Variants in CSMD3 observed in about 807,000 individuals in gnomAD.
CSMD3 encodes the protein CUB and Sushi multiple domains 3.
Under a neutral mutation model 435.2 loss-of-function variants are expected in CSMD3, and 177 were observed. That is an observed-to-expected ratio of 0.41 (90% CI 0.36 to 0.46). The LOEUF is 0.46. Ranked by LOEUF, CSMD3 falls within the 20% of genes least tolerant of loss-of-function variation. The probability of loss-of-function intolerance (pLI) is 0.34; values close to 1 mark genes in which losing one functional copy is unlikely to be tolerated. For missense variants in CSMD3, 4,265 were observed against 4,504.6 expected (o/e 0.95, Z 1.52); for synonymous variants, 1,656 against 1,520.5 (o/e 1.09, Z -2.07).
At chr8:112,708,027 A>C (rs2076535687) in intron 13 of CSMD3, among the ~76,000 whole-genome samples, 1 of 152,090 alleles carries the variant, frequency 6.6e-6, no homozygotes, top group Non-Finnish European at 1.5e-5. Context: ...CATGATATAC[A>C]ATTAATTTAA....
chr8:112,572,923 C>A (rs1373924087), intron 24 of CSMD3, among the ~76,000 whole-genome samples: 1 of 147,832 alleles, frequency 6.8e-6, no homozygotes, highest in African/African-American at 2.5e-5. Context: ...GAAACCCACC[C>A]TACCCCTGGT....
intron 45 of CSMD3, among the ~76,000 whole-genome samples, chr8:112,322,758 T>C (rs529281862): frequency 6.6e-6 from 1 of 152,190 alleles, no homozygotes; most frequent in South Asian, 2.1e-4. Context: ...GTGGCACATG[T>C]AAACACGACT....
chr8:113,245,431 T>G (rs2093266346), intron 3 of CSMD3, among the ~76,000 whole-genome samples: 1 of 152,044 alleles, frequency 6.6e-6, no homozygotes, highest in Admixed American at 6.6e-5. Flanking sequence ...GTTATTCTCT[T>G]AGAGCTTATC....
chr8:113,000,855 A>G (rs2085836094), intron 6 of CSMD3, among the ~76,000 whole-genome samples: 1 of 152,028 alleles, frequency 6.6e-6, no homozygotes, highest in Non-Finnish European at 1.5e-5. Flanking sequence ...TTTCCTTCTT[A>G]ACACACCTAC....
intron 5 of CSMD3, among the ~76,000 whole-genome samples, chr8:113,064,440 AAAAT>A (rs1290774329): frequency 5.9e-5 from 9 of 152,148 alleles, no homozygotes; most frequent in Non-Finnish European, 8.8e-5. Context: ...GGCAATAAGA[AAAAT>A]AAATAAATTA....
At chr8:113,371,290 T>C (rs1387693922) in intron 1 of CSMD3, among the ~76,000 whole-genome samples, 1 of 152,106 alleles carries the variant, frequency 6.6e-6, no homozygotes, top group East Asian at 1.9e-4. Context: ...AGGTAGCTAC[T>C]TAATAAACTT....
At chr8:113,226,897 T>C (rs189546909) in intron 3 of CSMD3, among the ~76,000 whole-genome samples, 28 of 151,728 alleles carry the variant, frequency 1.8e-4, no homozygotes, top group African/African-American at 5.8e-4. Flanking sequence ...TTGAAACAAT[T>C]TGACAATTGT....
intron 1 of CSMD3, among the ~76,000 whole-genome samples, chr8:113,366,059 C>A (rs1312392280): frequency 6.6e-6 from 1 of 151,996 alleles, no homozygotes; most frequent in Admixed American, 6.6e-5. Context: ...ACTCCTAAGA[C>A]TGCATCTGTT....
At chr8:112,479,195 G>A (rs369016572) in intron 31 of CSMD3, among the ~76,000 whole-genome samples, 4 of 152,188 alleles carry the variant, frequency 2.6e-5, no homozygotes, top group Non-Finnish European at 5.9e-5. Context: ...AGAGATTCAC[G>A]GCTTTCAAAG....
At chr8:113,194,354 A>C (rs144297391) in intron 3 of CSMD3, among the ~76,000 whole-genome samples, 1 of 151,330 alleles carries the variant, frequency 6.6e-6, no homozygotes, top group Non-Finnish European at 1.5e-5. Flanking sequence ...TATAACACAC[A>C]GAGTGTACTC....
chr8:113,147,220 AT>A (rs1048878242), intron 4 of CSMD3, among the ~76,000 whole-genome samples: 4 of 151,650 alleles, frequency 2.6e-5, no homozygotes, highest in East Asian at 1.9e-4. Flanking sequence ...GTTGTTAGCT[AT>A]TTTTTTATTT....
chr8:112,525,828 T>A (rs28379826), intron 27 of CSMD3, among the ~76,000 whole-genome samples: 76,330 of 130,264 alleles, frequency 0.59, 21,526 homozygotes, highest in East Asian at 0.75. Context: ...ATATAAAAAA[T>A]ATATATATAT....
intron 56 of CSMD3, among the ~76,000 whole-genome samples, chr8:112,290,589 T>C (rs1483480085): frequency 2.0e-5 from 3 of 149,816 alleles, no homozygotes; most frequent in African/African-American, 4.8e-5. Flanking sequence ...TCTTCATTAG[T>C]ACATGAATGT....
intron 32 of CSMD3, among the ~76,000 whole-genome samples, chr8:112,409,752 T>A (rs1832172218): frequency 6.6e-6 from 1 of 151,972 alleles, no homozygotes; most frequent in Admixed American, 6.6e-5. Flanking sequence ...TTTTTACTTA[T>A]CCTTTAATTA....
At chr8:112,510,528 T>C (rs1823003285) in intron 28 of CSMD3, among the ~76,000 whole-genome samples, 1 of 152,172 alleles carries the variant, frequency 6.6e-6, no homozygotes, top group African/African-American at 2.4e-5. Context: ...CTCCAGGAAG[T>C]TTTCCTGTAG....
At chr8:113,326,159 A>C (rs1435048003) in intron 1 of CSMD3, among the ~76,000 whole-genome samples, 4 of 152,200 alleles carry the variant, frequency 2.6e-5, no homozygotes, top group Non-Finnish European at 4.4e-5. Flanking sequence ...TATAATTACA[A>C]TGAGCAATGC....
At chr8:113,016,223 G>A (rs557484197) in intron 6 of CSMD3, among the ~76,000 whole-genome samples, 22 of 151,850 alleles carry the variant, frequency 1.4e-4, no homozygotes, top group African/African-American at 4.8e-4. Flanking sequence ...TGTATTTTAC[G>A]TATTAAAGGC....
chr8:112,397,881 C>T (rs1017434397), intron 35 of CSMD3, among the ~76,000 whole-genome samples: 2 of 152,224 alleles, frequency 1.3e-5, no homozygotes, highest in Admixed American at 6.5e-5. Context: ...TATAGCCCCA[C>T]AAGTTATAAT....
At chr8:112,953,761 A>G (rs1587750115) in intron 8 of CSMD3, among the ~76,000 whole-genome samples, 1 of 151,604 alleles carries the variant, frequency 6.6e-6, no homozygotes, top group East Asian at 1.9e-4. Flanking sequence ...GCTATAATAA[A>G]TGATTTTTGT....
Sources: allele counts gnomAD v4.1 joint callset (sites outside exome capture counted in the v4.1 genomes callset), GRCh38; gene constraint gnomAD v4.1.1; transcripts MANE v1.5; gene names NCBI Gene and HGNC (gene_info 2026-07-23, HGNC 2026-07-21).